Variants in ME2 observed in about 807,000 individuals in gnomAD.
The protein encoded by ME2 is NAD-dependent malic enzyme, mitochondrial.
In ME2, 60 loss-of-function variants were observed where a neutral mutation model predicts 73.7. The ratio of observed to expected loss-of-function variants is 0.81; its 90% CI spans 0.66 to 1.01. The LOEUF is 1.01. ME2 is among the 50% of genes least tolerant of loss of function. ME2 has a pLI of 0.00. For missense variants in ME2, 594 were observed against 705.5 expected (o/e 0.84, Z 1.79); for synonymous variants, 199 against 236.9 (o/e 0.84, Z 1.47).
At position 50,921,132 on chromosome 18, in the gene ME2, A is replaced by C; in HGVS notation, c.1001A>C (p.Glu334Ala). The C allele has an allele frequency of 6.2e-7, 1 of 1,604,454 alleles. No individual in the cohort carries two copies. The highest frequency in any genetic ancestry group is 1.1e-5 in the South Asian group (1 of 89,326). Residue 334 changes from glutamate (E) to alanine (A), a missense_variant, in exon 10 of 16, where the codon GAA (glutamate) becomes GCA (alanine). Coordinates refer to ENST00000321341, the MANE Select transcript of ME2 (RefSeq NM_002396.5). ...VMSMVENGLS[E>A]QEAQKKIWMF... is the part of the protein sequence containing the mutation. ...TCTATGGTAGAAAATGGCCTGTCAGAACAAGAGGCACAAAAGAAAATCTGG... is the reference window on the plus strand; with the variant it reads ...TCTATGGTAGAAAATGGCCTGTCAGCACAAGAGGCACAAAAGAAAATCTGG...
chr18:50,880,068 C>G (rs1168516662), intron 1 of ME2, among the ~76,000 whole-genome samples: 1 of 152,188 alleles, frequency 6.6e-6, no homozygotes, highest in East Asian at 1.9e-4. Flanking sequence ...ATGCTTGTGG[C>G]TATCACCTCT....
At chr18:50,942,904 T>C (rs1917996956) in intron 15 of ME2, among the ~76,000 whole-genome samples, 1 of 152,288 alleles carries the variant, frequency 6.6e-6, no homozygotes, top group African/African-American at 2.4e-5. Flanking sequence ...CGTTTTTCTC[T>C]AACTATAAAT....
At chr18:50,926,001 C>T (rs1917543435) in intron 12 of ME2, 103 bp downstream of exon 12, 4 of 797,568 alleles carry the variant, frequency 5.0e-6, no homozygotes, top group Admixed American at 2.4e-5. Flanking sequence ...CTAGAGATTA[C>T]AGCATGCATC....
intron 10 of ME2, 129 bp downstream of exon 10, chr18:50,921,316 C>T: frequency 1.9e-6 from 1 of 516,762 alleles, no homozygotes; most frequent in Non-Finnish European, 3.4e-6. Flanking sequence ...ACCTTCCACT[C>T]TCTTTTCAAC....
rs1422573760 is a variant in ME2, at chr18:50,920,472, C to T, written c.751C>T (p.Leu251Phe). The T allele has an allele frequency of 1.3e-6, 2 of 1,597,988 alleles. No individual in the cohort carries two copies. Among genetic ancestry groups the T allele is most frequent in the Non-Finnish European group, 1.7e-6 (2 of 1,176,108 alleles). The change falls in exon 8 of 16, where the codon CTC becomes TTC. Residue 251 changes from leucine (L) to phenylalanine (F), a missense_variant. Physicochemically the swap from Leu to Phe is conservative, Grantham distance 22 (BLOSUM62 0). Coordinates refer to ENST00000321341, the MANE Select transcript of ME2 (RefSeq NM_002396.5). ...TGTTTTTAGATATGGCCGGAACACA[C>T]TCATTCAGTTCGAAGACTTTGGAAA... Reference protein sequence around the residue: ...AITDRYGRNTLIQFEDFGNHN... With the variant: ...AITDRYGRNTFIQFEDFGNHN...
chr18:50,913,300 AT>A (rs545577086), intron 4 of ME2: 15 of 163,812 alleles, frequency 9.2e-5, no homozygotes, highest in East Asian at 3.5e-4. Flanking sequence ...AAATTAAGAG[AT>A]TTTTTTTTCT....
rs780308264 is a variant in ME2 at position 50,925,829 on chromosome 18, A to G, written c.1245A>G (p.Val415=). The G allele has an allele frequency of 6.2e-7, 1 of 1,612,326 alleles. No homozygotes were observed. The highest frequency in any genetic ancestry group is 1.1e-5 in the South Asian group (1 of 91,042). Reference sequence around the variant, plus strand: ...TGGCCTCTATCAATGAAAGGCCTGTAATATTTGCATTAAGTAATCCTACAG... The same window carrying G: ...TGGCCTCTATCAATGAAAGGCCTGTGATATTTGCATTAAGTAATCCTACAG... ...RAMASINERP[V]IFALSNPTAQ... The change falls in exon 12 of 16, where the codon GTA becomes GTG. Residue 415 remains valine, a synonymous_variant. Transcript: ENST00000321341.
intron 1 of ME2, among the ~76,000 whole-genome samples, chr18:50,893,148 A>AAC (rs1916648645): frequency 7.9e-6 from 1 of 127,382 alleles, no homozygotes; most frequent in Non-Finnish European, 1.7e-5. Context: ...AAAAAAAAAA[A>AAC]AAAACACCTT....
chr18:50,905,196 A>G (rs1430852507), intron 2 of ME2, among the ~76,000 whole-genome samples: 2 of 152,136 alleles, frequency 1.3e-5, no homozygotes, highest in Non-Finnish European at 2.9e-5. Context: ...CATGTTGGCC[A>G]GGATGGTCTT....
At chr18:50,919,065 A>G (rs75551560) in intron 7 of ME2, among the ~76,000 whole-genome samples, 3 of 16,180 alleles carry the variant, frequency 1.9e-4, no homozygotes, top group Non-Finnish European at 3.1e-4. Context: ...CGTCAGTCAG[A>G]TTTCAGATAT....
At chr18:50,924,772 C>A (rs1917507278) in intron 11 of ME2, among the ~76,000 whole-genome samples, 1 of 151,472 alleles carries the variant, frequency 6.6e-6, no homozygotes, top group Non-Finnish European at 1.5e-5. Flanking sequence ...ACTTCCACCT[C>A]CCGGGTTCAA....
rs972588307 is a variant in ME2, at chr18:50,891,894, G to C, written c.-12-3915G>C. ...AATGGCACAGTCTCGGCTCACTGCA[G>C]CTCTGCCTCGCAGACTCATCCAGTC... On this transcript the variant is annotated intron_variant, in intron 1 of 15. Transcript: ENST00000321341. Among the ~76,000 whole-genome samples, 9 of 150,934 alleles carry C rather than the reference G, an allele frequency of 6.0e-5. No homozygotes were observed. The South Asian group carries it at 1.0e-3, about 17-fold the overall frequency.
Position 50,918,106 on chromosome 18 carries a change from G to A in ME2, c.631-4G>A, listed in dbSNP as rs757578749. Reference sequence around the variant, plus strand: ...TTTATTTTTACATTTGGTTTATTTTGTAGGCACTCTTAAAAGACCCATTTT... The same window carrying A: ...TTTATTTTTACATTTGGTTTATTTTATAGGCACTCTTAAAAGACCCATTTT... On this transcript the variant is annotated splice_polypyrimidine_tract_variant and splice_region_variant and intron_variant, in intron 6 of 15. Transcript: ENST00000321341. 2 of 1,552,632 alleles carry A rather than the reference G, an allele frequency of 1.3e-6. No homozygotes were observed. The highest frequency in any genetic ancestry group is 1.8e-6 in the Non-Finnish European group (2 of 1,141,630).
At chr18:50,938,812 A>T (rs973080487) in intron 13 of ME2, among the ~76,000 whole-genome samples, 2 of 152,196 alleles carry the variant, frequency 1.3e-5, no homozygotes, top group Admixed American at 6.5e-5. Context: ...TCGAGAATAT[A>T]TAAAGTAGCT....
Position 50,953,139 on chromosome 18 carries a change from T to A in ME2, c.*5955T>A, listed in dbSNP as rs562409254. 2.0e-5 allele frequency: 3 copies of A among 149,408 alleles called. No individual in the cohort carries two copies. Among genetic ancestry groups the A allele is most frequent in the African/African-American group, 7.4e-5 (3 of 40,498 alleles). 9.3% of individuals were successfully genotyped at this position (149,408 alleles called of 1,614,324 possible). A position where few individuals can be genotyped will look rare whatever the true frequency, so the allele number is the denominator to read the frequency against. ...TTCTTTGAGACAGCCTTGCTCTGTCTCCCAGGCTGGAGTGCAGTGGCGCAA... is the reference window on the plus strand; with the variant it reads ...TTCTTTGAGACAGCCTTGCTCTGTCACCCAGGCTGGAGTGCAGTGGCGCAA... On this transcript the variant is annotated 3_prime_UTR_variant, in exon 16 of 16. Transcript: ENST00000321341.
In ME2 at chr18:50,940,298, G is replaced by A. The variant is rs1917916409; in HGVS notation, c.1499G>A (p.Ser500Asn). 2 of 1,606,790 alleles carry A rather than the reference G, an allele frequency of 1.2e-6. No individual in the cohort carries two copies. The highest frequency in any genetic ancestry group is 2.2e-5 in the East Asian group (1 of 44,766). The change falls in exon 15 of 16, where the codon AGC becomes AAC. Residue 500 changes from serine to asparagine, a missense_variant. Transcript: ENST00000321341. Reference sequence around the variant, plus strand: ...TGTTTTTCTCTTCAGGCCCTGACAAGCCAATTGACAGATGAAGAGCTAGCC... The same window carrying A: ...TGTTTTTCTCTTCAGGCCCTGACAAACCAATTGACAGATGAAGAGCTAGCC... The part of the protein sequence containing the change: ...VFLEAAKALT[S>N]QLTDEELAQG...
In ME2 at chr18:50,895,878, C is replaced by A; in HGVS notation, c.58C>A (p.His20Asn). The change falls in exon 2 of 16, where the codon CAC becomes AAC. Residue 20 changes from histidine (H) to asparagine (N), a missense_variant. His to Asn is a moderately conservative substitution (Grantham distance 68). Coordinates refer to ENST00000321341, the MANE Select transcript of ME2 (RefSeq NM_002396.5). ...TTGTACTTTGGCATGTCGACATTTG[C>A]ACATAAAAGAAAAAGGCAAGCCACT... ...TTCTLACRHL[H>N]IKEKGKPLML... The A allele has an allele frequency of 6.2e-7, 1 of 1,613,676 alleles. No individual in the cohort carries two copies. Among genetic ancestry groups the A allele is most frequent in the Non-Finnish European group, 8.5e-7 (1 of 1,179,874 alleles).
intron 3 of ME2, among the ~76,000 whole-genome samples, chr18:50,911,500 G>C (rs911288326): frequency 2.0e-5 from 3 of 152,172 alleles, no homozygotes; most frequent in African/African-American, 4.8e-5. Flanking sequence ...GGAGTGGAGT[G>C]AGAGTTAACA....
At chr18:50,929,900 C>A (rs535805013) in intron 12 of ME2, among the ~76,000 whole-genome samples, 5 of 152,104 alleles carry the variant, frequency 3.3e-5, no homozygotes, top group Non-Finnish European at 5.9e-5. Context: ...AGTGGTATAT[C>A]ACCAGAAGAC....
Sources: gnomAD v4.1 joint callset for allele counts (sites outside exome capture counted in the v4.1 genomes callset) on GRCh38, gnomAD v4.1.1 for gene constraint, MANE v1.5 for transcripts, NCBI Gene and HGNC (gene_info 2026-07-23, HGNC 2026-07-21) for gene names.